NDUFA8: variants seen among roughly 807,000 people sequenced by gnomAD.
NDUFA8 encodes the protein NADH dehydrogenase [ubiquinone] 1 alpha subcomplex subunit 8.
NDUFA8 carries 16 observed loss-of-function variants against 20.9 expected under a neutral mutation model. The observed-to-expected ratio is 0.77, with a 90% CI of 0.52 to 1.16. The LOEUF is 1.16. Ranked by LOEUF, NDUFA8 falls within the 50% of genes most tolerant of loss-of-function variation. The pLI is 0.00. For synonymous variants in NDUFA8, 70 were observed against 76.1 expected (o/e 0.92, Z 0.41); for missense variants, 202 against 216.4 (o/e 0.93, Z 0.42).
At chr9:122,157,536 G>A (rs182508599) in intron 1 of NDUFA8, among the ~76,000 whole-genome samples, 1 of 152,174 alleles carries the variant, frequency 6.6e-6, no homozygotes, top group Non-Finnish European at 1.5e-5. Flanking sequence ...ATTCAATTGT[G>A]TGAAGACTAA....
chr9:122,152,983 G>A (rs1829027757), intron 1 of NDUFA8, among the ~76,000 whole-genome samples: 1 of 152,020 alleles, frequency 6.6e-6, no homozygotes, highest in Non-Finnish European at 1.5e-5. Context: ...AGATATATAA[G>A]GCTGGGCACA....
intron 2 of NDUFA8, 69 bp from the exon 3 acceptor site, chr9:122,148,346 A>G (rs1353389759): frequency 1.3e-6 from 2 of 1,546,244 alleles, no homozygotes; most frequent in Admixed American, 1.7e-5. Flanking sequence ...TGAGAAAAAA[A>G]TAGGTACAGA....
At chr9:122,136,449 T>C in the NDUFA8 span, among the ~76,000 whole-genome samples, 1 of 152,068 alleles carries the variant, frequency 6.6e-6, no homozygotes, top group Non-Finnish European at 1.5e-5. Flanking sequence ...GCATCTTTTA[T>C]GGTTTTACTT....
intron 2 of NDUFA8, 118 bp downstream of exon 2, chr9:122,152,127 G>T: frequency 8.7e-7 from 1 of 1,150,938 alleles, no homozygotes; most frequent in East Asian, 2.4e-5. Context: ...TTTTACCTTG[G>T]TCTGATTTCA....
At chr9:122,151,898 C>T (rs560424524) in intron 2 of NDUFA8, among the ~76,000 whole-genome samples, 1 of 152,274 alleles carries the variant, frequency 6.6e-6, no homozygotes, top group African/African-American at 2.4e-5. Context: ...CTAGTGAATG[C>T]CTGCTTAAAA....
the NDUFA8 span, among the ~76,000 whole-genome samples, chr9:122,138,188 G>A: frequency 6.6e-6 from 1 of 152,316 alleles, no homozygotes; most frequent in South Asian, 2.1e-4. Flanking sequence ...CATCAGAGCA[G>A]CAGAATTGAT....
At chr9:122,158,059 A>G (rs2118721611) in intron 1 of NDUFA8, among the ~76,000 whole-genome samples, 1 of 152,328 alleles carries the variant, frequency 6.6e-6, no homozygotes, top group South Asian at 2.1e-4. Context: ...AGGCTGAGGC[A>G]GCAGAATCGC....
downstream of NDUFA8, among the ~76,000 whole-genome samples, chr9:122,139,178 G>A (rs185636930): frequency 3.3e-4 from 50 of 152,252 alleles, 1 homozygote; most frequent in Middle Eastern, 0.014. Flanking sequence ...GAAGCACAGC[G>A]AGCCCTGCCC....
intron 2 of NDUFA8, among the ~76,000 whole-genome samples, chr9:122,150,186 G>A (rs1017599970): frequency 2.2e-4 from 33 of 152,056 alleles, no homozygotes; most frequent in African/African-American, 8.0e-4. Flanking sequence ...ACTTTGGGAG[G>A]CCAAGGCAGG....
intron 1 of NDUFA8, among the ~76,000 whole-genome samples, chr9:122,158,377 T>G (rs79229398): frequency 6.6e-6 from 1 of 152,076 alleles, no homozygotes; most frequent in South Asian, 2.1e-4. Flanking sequence ...TTCCAAGTCC[T>G]ATCTCAGCCC....
At chr9:122,150,688 G>A (rs866893638) in intron 2 of NDUFA8, among the ~76,000 whole-genome samples, 10 of 151,658 alleles carry the variant, frequency 6.6e-5, no homozygotes, top group Non-Finnish European at 1.2e-4. Context: ...TGATGATCAC[G>A]GCCAGGTGCG....
At position 122,159,774 on chromosome 9, in the gene NDUFA8, G is replaced by A. The variant is rs754251008; in HGVS notation, c.-97C>T. 170 of 1,571,044 alleles carry A rather than the reference G, an allele frequency of 1.1e-4. No individual in the cohort carries two copies. The highest frequency in any genetic ancestry group is 1.4e-4 in the Non-Finnish European group (164 of 1,142,458). ...GACCGCCGAGTGCCACACGGCGCCT[G>A]CGCATGCGCATCCGGCAACACGCAG... On this transcript the variant is annotated 5_prime_UTR_variant, in exon 1 of 4. Coordinates refer to ENST00000373768, the MANE Select transcript of NDUFA8 (RefSeq NM_014222.3).
At chr9:122,158,699 A>G (rs753016657) in intron 1 of NDUFA8, among the ~76,000 whole-genome samples, 1 of 149,968 alleles carries the variant, frequency 6.7e-6, no homozygotes, top group African/African-American at 2.5e-5. Context: ...GTGTGTGTGT[A>G]TATATATATG....
At chr9:122,153,375 CTAGTCCATCTAGTAA>C (rs139884368) in intron 1 of NDUFA8, among the ~76,000 whole-genome samples, 102 of 141,222 alleles carry the variant, frequency 7.2e-4, no homozygotes, top group Middle Eastern at 6.9e-3. Context: ...CAAAGAGCAT[CTAGTCCATCTAGTAA>C]TAGTCCATCT....
intron 1 of NDUFA8, 47 bp downstream of exon 1, chr9:122,159,580 A>G (rs1333182770): frequency 6.2e-7 from 1 of 1,611,284 alleles, no homozygotes; most frequent in East Asian, 2.2e-5. Context: ...CAGGCCCGAG[A>G]AGCCGCAGCC....
Position 122,144,137 on chromosome 9 carries a change from T to C in NDUFA8, c.*104A>G. 1 of 1,591,926 alleles carries C rather than the reference T, an allele frequency of 6.3e-7. No individual in the cohort carries two copies. Among genetic ancestry groups the C allele is most frequent in the Admixed American group, 1.7e-5 (1 of 57,340 alleles). Reference sequence around the variant, plus strand: ...CATAAGTTAACTTTTTTGTTAATGTTTGTGATCCCGGAAAGAACACACTAT... The same window carrying C: ...CATAAGTTAACTTTTTTGTTAATGTCTGTGATCCCGGAAAGAACACACTAT... On this transcript the variant is annotated 3_prime_UTR_variant, in exon 4 of 4. Coordinates refer to ENST00000373768, the MANE Select transcript of NDUFA8 (RefSeq NM_014222.3).
the NDUFA8 span, among the ~76,000 whole-genome samples, chr9:122,135,833 C>A: frequency 6.6e-6 from 1 of 152,224 alleles, no homozygotes; most frequent in Non-Finnish European, 1.5e-5. Flanking sequence ...AAGTGACCCT[C>A]CCACCTTGGC....
Position 122,148,092 on chromosome 9 carries a change from T to C in NDUFA8, c.381+20A>G, listed in dbSNP as rs1020394627. 2 of 1,613,728 alleles carry C rather than the reference T, an allele frequency of 1.2e-6. No homozygotes were observed. Among genetic ancestry groups the C allele is most frequent in the Non-Finnish European group, 1.7e-6 (2 of 1,179,994 alleles). On this transcript the variant is annotated intron_variant, in intron 3 of 3. Transcript: ENST00000373768. Reference sequence around the variant, plus strand: ...CACCCCTGAATCAGAAAGTGAGACCTCCAGCAGAAGCCTTTTTACCTTTGA... The same window carrying C: ...CACCCCTGAATCAGAAAGTGAGACCCCCAGCAGAAGCCTTTTTACCTTTGA...
intron 2 of NDUFA8, among the ~76,000 whole-genome samples, chr9:122,149,819 A>G (rs369040763): frequency 3.9e-5 from 6 of 152,134 alleles, no homozygotes; most frequent in Admixed American, 1.3e-4. Flanking sequence ...TTAGCCAGGC[A>G]GGTGGCACAC....
Sources: allele counts gnomAD v4.1 joint callset (sites outside exome capture counted in the v4.1 genomes callset), GRCh38; gene constraint gnomAD v4.1.1; transcripts MANE v1.5; gene names NCBI Gene and HGNC (gene_info 2026-07-23, HGNC 2026-07-21).